Variants in UBE2E2 observed in about 807,000 individuals in gnomAD.
UBE2E2 encodes the protein ubiquitin conjugating enzyme E2 E2.
A neutral mutation model predicts 24.7 loss-of-function variants in UBE2E2; 6 were observed. The observed-to-expected ratio is 0.24, with a 90% CI of 0.13 to 0.48. The LOEUF (loss-of-function observed/expected upper bound fraction) is 0.48. UBE2E2 is among the 20% of genes least tolerant of loss of function. UBE2E2 has a pLI of 0.99. For synonymous variants in UBE2E2, 104 were observed against 83.6 expected, an observed-to-expected ratio of 1.24 and a Z score of -1.33; for missense variants, 169 against 245.0, an observed-to-expected ratio of 0.69 and a Z score of 2.07.
chr3:23,453,335 C>T (rs1372541411), intron 3 of UBE2E2, among the ~76,000 whole-genome samples: 1 of 151,540 alleles, frequency 6.6e-6, no homozygotes, highest in African/African-American at 2.4e-5. Flanking sequence ...TGGAGGCTCT[C>T]CATTTGTTTC....
chr3:23,475,501 C>T (rs1369077669), intron 3 of UBE2E2, among the ~76,000 whole-genome samples: 1 of 151,996 alleles, frequency 6.6e-6, no homozygotes, highest in East Asian at 1.9e-4. Context: ...CTCATGTCCT[C>T]AATCTCAGCT....
intron 3 of UBE2E2, among the ~76,000 whole-genome samples, chr3:23,425,178 G>A (rs1697895888): frequency 1.3e-5 from 2 of 152,028 alleles, no homozygotes; most frequent in African/African-American, 4.8e-5. Flanking sequence ...AAGTCCATAA[G>A]GACTAATTTC....
At chr3:23,513,364 A>G (rs547664423) in intron 4 of UBE2E2, among the ~76,000 whole-genome samples, 173 of 152,302 alleles carry the variant, frequency 1.1e-3, no homozygotes, top group Non-Finnish European at 2.2e-3. Flanking sequence ...TTTTGCATTT[A>G]CCATCTTGAA....
rs369640355 is a variant in UBE2E2, at chr3:23,301,313, T to C, written c.227+84001T>C. Among the ~76,000 whole-genome samples, 12 of 152,364 alleles carry C rather than the reference T, an allele frequency of 7.9e-5. No homozygotes were observed. The East Asian group carries it at 9.6e-4, about 12-fold the overall frequency. On this transcript the variant is annotated intron_variant, in intron 3 of 5. Coordinates refer to ENST00000396703, the MANE Select transcript of UBE2E2 (RefSeq NM_152653.4). ...AAAGTCATTCTCCGTCCAGCTTTGTTCTGTTGCTGGTGAGGAGCTGCGTTC... is the reference window on the plus strand; with the variant it reads ...AAAGTCATTCTCCGTCCAGCTTTGTCCTGTTGCTGGTGAGGAGCTGCGTTC...
chr3:23,350,296 C>T (rs895110179), intron 3 of UBE2E2, among the ~76,000 whole-genome samples: 1 of 152,152 alleles, frequency 6.6e-6, no homozygotes, highest in Non-Finnish European at 1.5e-5. Flanking sequence ...GAAAACAGAG[C>T]AGAAAAACTG....
chr3:23,220,405 A>G (rs910524387), intron 3 of UBE2E2, among the ~76,000 whole-genome samples: 2 of 152,208 alleles, frequency 1.3e-5, no homozygotes, highest in African/African-American at 4.8e-5. Context: ...TTAATGGGTA[A>G]ATATTTTAAA....
intron 3 of UBE2E2, among the ~76,000 whole-genome samples, chr3:23,473,130 T>C (rs1363860334): frequency 6.6e-6 from 1 of 151,986 alleles, no homozygotes; most frequent in African/African-American, 2.4e-5. Flanking sequence ...GAAGACAGGG[T>C]CTTTAAATTA....
chr3:23,231,241 G>A (rs1166789411), intron 3 of UBE2E2, among the ~76,000 whole-genome samples: 1 of 152,064 alleles, frequency 6.6e-6, no homozygotes, highest in Non-Finnish European at 1.5e-5. Flanking sequence ...TGAAACCAGT[G>A]GTAGGTAATT....
intron 3 of UBE2E2, among the ~76,000 whole-genome samples, chr3:23,488,891 C>G (rs892533538): frequency 6.6e-6 from 1 of 152,178 alleles, no homozygotes; most frequent in Non-Finnish European, 1.5e-5. Context: ...TTCTGGAAGC[C>G]CTGAGTACCT....
At chr3:23,240,095 A>G (rs1446566310) in intron 3 of UBE2E2, among the ~76,000 whole-genome samples, 1 of 152,204 alleles carries the variant, frequency 6.6e-6, no homozygotes, top group Non-Finnish European at 1.5e-5. Flanking sequence ...AGGCATCTCA[A>G]TAATATCCCT....
intron 3 of UBE2E2, among the ~76,000 whole-genome samples, chr3:23,380,466 T>C (rs909699991): frequency 6.6e-6 from 1 of 152,140 alleles, no homozygotes; most frequent in Admixed American, 6.5e-5. Flanking sequence ...CCTCAAGTGA[T>C]CCTCCCGCCT....
chr3:23,328,493 T>G (rs1030493789), intron 3 of UBE2E2, among the ~76,000 whole-genome samples: 15 of 152,204 alleles, frequency 9.9e-5, no homozygotes, highest in African/African-American at 3.6e-4. Flanking sequence ...TCAAGCATGT[T>G]TAAGATAGGC....
intron 4 of UBE2E2, among the ~76,000 whole-genome samples, chr3:23,518,726 C>G (rs780400639): frequency 6.6e-6 from 1 of 152,206 alleles, no homozygotes. Flanking sequence ...CCTGCAGTGC[C>G]TTGTCCCTTT....
At chr3:23,406,376 A>T (rs754922437) in intron 3 of UBE2E2, among the ~76,000 whole-genome samples, 1 of 152,198 alleles carries the variant, frequency 6.6e-6, no homozygotes, top group African/African-American at 2.4e-5. Context: ...CCTCGAACTG[A>T]TATGTTTAAC....
chr3:23,394,916 A>G (rs914486446), intron 3 of UBE2E2, among the ~76,000 whole-genome samples: 1 of 152,194 alleles, frequency 6.6e-6, no homozygotes, highest in Non-Finnish European at 1.5e-5. Context: ...CAGCCTCTAA[A>G]TCAGCAAAGC....
intron 5 of UBE2E2, among the ~76,000 whole-genome samples, chr3:23,537,594 GTGGCTCTTTTATAGTGATCTATAAAAGC>G (rs1695295742): frequency 1.3e-5 from 2 of 152,140 alleles, no homozygotes; most frequent in Non-Finnish European, 2.9e-5. Context: ...TTTGCTCCCA[GTGGCTCTTTTATAGTGATCTATAAAAGC>G]TTGGGAGAAT....
intron 5 of UBE2E2, among the ~76,000 whole-genome samples, chr3:23,559,496 CA>C (rs1249045218): frequency 6.6e-6 from 1 of 152,152 alleles, no homozygotes; most frequent in Non-Finnish European, 1.5e-5. Flanking sequence ...AGCTGATTTT[CA>C]TTTCCGATTT....
chr3:23,232,526 C>A (rs1286351142), intron 3 of UBE2E2, among the ~76,000 whole-genome samples: 1 of 152,132 alleles, frequency 6.6e-6, no homozygotes, highest in African/African-American at 2.4e-5. Context: ...CTCCTGATTT[C>A]CCCCTCTTTC....
intron 5 of UBE2E2, among the ~76,000 whole-genome samples, chr3:23,586,206 A>G (rs1015332018): frequency 6.6e-6 from 1 of 152,226 alleles, no homozygotes; most frequent in Admixed American, 6.5e-5. Flanking sequence ...TAATATTCAG[A>G]AAATCATAGG....
Sources: gnomAD v4.1 joint callset for allele counts (sites outside exome capture counted in the v4.1 genomes callset) on GRCh38, gnomAD v4.1.1 for gene constraint, MANE v1.5 for transcripts, NCBI Gene and HGNC (gene_info 2026-07-23, HGNC 2026-07-21) for gene names.